The following C12orf54 variants were observed in gnomAD, a reference collection of about 807,000 sequenced individuals.
The protein encoded by C12orf54 is uncharacterized protein C12orf54.
In C12orf54, 24 loss-of-function variants were observed where a neutral mutation model predicts 26.4. The ratio of observed to expected loss-of-function variants is 0.91; its 90% CI spans 0.66 to 1.28. The LOEUF (loss-of-function observed/expected upper bound fraction) is 1.28. Ranked by LOEUF, C12orf54 falls within the 50% of genes most tolerant of loss-of-function variation. The probability of loss-of-function intolerance (pLI) is 0.00; values close to 1 mark genes in which losing one functional copy is unlikely to be tolerated. For synonymous variants in C12orf54, 54 were observed against 47.0 expected, an observed-to-expected ratio of 1.15 and a Z score of -0.61; for missense variants, 154 against 150.9, an observed-to-expected ratio of 1.02 and a Z score of -0.11.
At chr12:48,435,429 T>C in the C12orf54 span, among the ~76,000 whole-genome samples, 3 of 152,180 alleles carry the variant, frequency 2.0e-5, no homozygotes, top group Non-Finnish European at 4.4e-5. Flanking sequence ...AGATACTCCT[T>C]AAGAAGAGCA....
chr12:48,465,403 T>C, the C12orf54 span, among the ~76,000 whole-genome samples: 32 of 152,142 alleles, frequency 2.1e-4, no homozygotes, highest in African/African-American at 7.7e-4. Context: ...TATTAAAAAG[T>C]CAAAACATAA....
the C12orf54 span, chr12:48,473,002 A>G: frequency 6.2e-7 from 1 of 1,614,152 alleles, no homozygotes; most frequent in South Asian, 1.1e-5. Flanking sequence ...AAAAAGTTAG[A>G]AAACCTCGAG....
the C12orf54 span, among the ~76,000 whole-genome samples, chr12:48,435,218 A>C: frequency 6.6e-6 from 1 of 152,224 alleles, no homozygotes; most frequent in African/African-American, 2.4e-5. Context: ...AGAAAAAAGA[A>C]TAAAAAGAAA....
At chr12:48,456,252 T>G in the C12orf54 span, among the ~76,000 whole-genome samples, 1 of 152,156 alleles carries the variant, frequency 6.6e-6, no homozygotes, top group Non-Finnish European at 1.5e-5. Flanking sequence ...ACACTCACAC[T>G]GTAATGAGGA....
the C12orf54 span, among the ~76,000 whole-genome samples, chr12:48,426,521 G>A: frequency 6.6e-6 from 1 of 152,190 alleles, no homozygotes; most frequent in Non-Finnish European, 1.5e-5. Context: ...CTAGCATGAT[G>A]CCTCCAGCTT....
Position 48,490,965 on chromosome 12 carries a change from A to G in C12orf54, c.193+129A>G, listed in dbSNP as rs915896924. ...GAAGTGAGATATGGAGTTCATCCCA[A>G]AGTCTCACCCTAGGATCTTCCATTT... On this transcript the variant is annotated intron_variant, in intron 6 of 8. Transcript: ENST00000548364. 5 of 1,157,166 alleles carry G rather than the reference A, an allele frequency of 4.3e-6. No individual in the cohort carries two copies. The African/African-American group carries it at 7.6e-5, about 18-fold the overall frequency. The allele number at this position is 1,157,166 out of a possible 1,614,324, so 71.7% of individuals were successfully genotyped here.
At chr12:48,461,070 T>A in the C12orf54 span, among the ~76,000 whole-genome samples, 5 of 152,064 alleles carry the variant, frequency 3.3e-5, no homozygotes, top group South Asian at 1.0e-3. Flanking sequence ...AGAAAAGTGA[T>A]GGAAAAAGAT....
upstream of C12orf54, among the ~76,000 whole-genome samples, chr12:48,480,247 C>T (rs1361609393): frequency 1.3e-5 from 2 of 152,040 alleles, no homozygotes; most frequent in Non-Finnish European, 2.9e-5. Context: ...AATTGTTTCA[C>T]AAAAAAATTA....
At chr12:48,419,652 A>C in the C12orf54 span, among the ~76,000 whole-genome samples, 1 of 152,196 alleles carries the variant, frequency 6.6e-6, no homozygotes, top group Non-Finnish European at 1.5e-5. Flanking sequence ...AATGACAAAG[A>C]AAGCACACAG....
chr12:48,491,094 T>C (rs1592203497), intron 6 of C12orf54, among the ~76,000 whole-genome samples: 1 of 152,220 alleles, frequency 6.6e-6, no homozygotes, highest in Non-Finnish European at 1.5e-5. Context: ...CTCTCCTCTG[T>C]CCAGCTCAAT....
chr12:48,467,673 A>G, the C12orf54 span, among the ~76,000 whole-genome samples: 23 of 152,276 alleles, frequency 1.5e-4, no homozygotes, highest in Non-Finnish European at 2.8e-4. Flanking sequence ...AAGATGACAG[A>G]TTACCAAGGG....
the C12orf54 span, among the ~76,000 whole-genome samples, chr12:48,449,905 G>C: frequency 6.6e-6 from 1 of 152,086 alleles, no homozygotes. Context: ...AGGTAATTGA[G>C]TCATGGGGGC....
chr12:48,495,281 G>A, intron 8 of C12orf54, among the ~76,000 whole-genome samples: 1 of 152,280 alleles, frequency 6.6e-6, no homozygotes, highest in Admixed American at 6.5e-5. Context: ...TCAGGAATCA[G>A]GGACAGACAA....
At chr12:48,437,325 A>G in the C12orf54 span, among the ~76,000 whole-genome samples, 1 of 152,240 alleles carries the variant, frequency 6.6e-6, no homozygotes, top group Non-Finnish European at 1.5e-5. Context: ...CAGAAGTACA[A>G]GAAGGAGCTG....
At chr12:48,437,663 CTCAA>C in the C12orf54 span, among the ~76,000 whole-genome samples, 1 of 152,346 alleles carries the variant, frequency 6.6e-6, no homozygotes, top group Admixed American at 6.5e-5. Flanking sequence ...ACTTGATTAT[CTCAA>C]TCGATGCAGA....
intron 7 of C12orf54, among the ~76,000 whole-genome samples, chr12:48,493,408 G>A (rs1937834830): frequency 6.6e-6 from 1 of 152,102 alleles, no homozygotes; most frequent in Non-Finnish European, 1.5e-5. Context: ...GGCCAAGGTG[G>A]TTGGATCGCT....
chr12:48,464,164 A>G, the C12orf54 span, among the ~76,000 whole-genome samples: 1 of 152,248 alleles, frequency 6.6e-6, no homozygotes, highest in African/African-American at 2.4e-5. Context: ...ACATAATCCT[A>G]TATTTAGAAA....
the C12orf54 span, among the ~76,000 whole-genome samples, chr12:48,421,343 A>T: frequency 2.0e-5 from 1 of 49,558 alleles, no homozygotes; most frequent in African/African-American, 5.5e-5. Flanking sequence ...ACATTTTTCA[A>T]CAATAAAGTA....
At chr12:48,487,100 T>C (rs767557871) in intron 4 of C12orf54, among the ~76,000 whole-genome samples, 3 of 152,244 alleles carry the variant, frequency 2.0e-5, no homozygotes, top group African/African-American at 7.2e-5. Context: ...TTTCACTTTA[T>C]AGTTGAAGGG....
Sources: gnomAD v4.1 joint callset for allele counts (sites outside exome capture counted in the v4.1 genomes callset) on GRCh38, gnomAD v4.1.1 for gene constraint, MANE v1.5 for transcripts, NCBI Gene and HGNC (gene_info 2026-07-23, HGNC 2026-07-21) for gene names.